The following HAPLN1 variants were observed in gnomAD, a reference collection of about 807,000 sequenced individuals.
The protein encoded by HAPLN1 is Cartilage link protein.
In HAPLN1, 13 loss-of-function variants were observed where a neutral mutation model predicts 36.5. The observed-to-expected ratio is 0.36, with a 90% CI of 0.23 to 0.57. The LOEUF (loss-of-function observed/expected upper bound fraction) is 0.57. HAPLN1 is among the 20% of genes least tolerant of loss of function. The probability of loss-of-function intolerance (pLI) is 0.83; values close to 1 mark genes in which losing one functional copy is unlikely to be tolerated. For synonymous variants in HAPLN1, 202 were observed against 169.8 expected, an observed-to-expected ratio of 1.19 and a Z score of -1.48; for missense variants, 407 against 439.7, an observed-to-expected ratio of 0.93 and a Z score of 0.66.
At chr5:83,686,350 G>A (rs186794837) in intron 1 of HAPLN1, among the ~76,000 whole-genome samples, 1 of 152,132 alleles carries the variant, frequency 6.6e-6, no homozygotes, top group Admixed American at 6.6e-5. Flanking sequence ...GGTAGAAGAG[G>A]GAACAAGACC....
intron 1 of HAPLN1, among the ~76,000 whole-genome samples, chr5:83,717,607 G>C (rs538241204): frequency 6.6e-6 from 1 of 152,178 alleles, no homozygotes; most frequent in Non-Finnish European, 1.5e-5. Context: ...GTGATAATTC[G>C]TATATCTTTT....
Position 83,639,428 on chromosome 5 carries a change from T to C in HAPLN1, c.*2068A>G, listed in dbSNP as rs1317096149. On this transcript the variant is annotated 3_prime_UTR_variant, in exon 5 of 5. Transcript: ENST00000274341. ...TACTACTACATTTAACATTATAAAG[T>C]AGAGTTCTGGACATAACTGAAAATT... The C allele has an allele frequency of 6.6e-6, 1 of 152,064 alleles. No homozygotes were observed. The highest frequency in any genetic ancestry group is 2.4e-5 in the African/African-American group (1 of 41,458). 9.4% of individuals were successfully genotyped at this position (152,064 alleles called of 1,614,324 possible). A position where few individuals can be genotyped will look rare whatever the true frequency, so the allele number is the denominator to read the frequency against.
intron 1 of HAPLN1, among the ~76,000 whole-genome samples, chr5:83,704,130 A>G (rs79645144): frequency 2.0e-5 from 3 of 151,710 alleles, no homozygotes; most frequent in Non-Finnish European, 2.9e-5. Context: ...AAAATCTTCA[A>G]CCAAGAATTT....
chr5:83,694,039 AT>A (rs1307985802), intron 1 of HAPLN1, among the ~76,000 whole-genome samples: 1 of 152,006 alleles, frequency 6.6e-6, no homozygotes. Flanking sequence ...GATAAACTAT[AT>A]TCTGGGTCAT....
intron 1 of HAPLN1, among the ~76,000 whole-genome samples, chr5:83,709,911 G>A (rs1168968703): frequency 2.6e-5 from 4 of 152,158 alleles, no homozygotes; most frequent in Non-Finnish European, 5.9e-5. Flanking sequence ...TTATGCTAAT[G>A]GAGAGAGATA....
intron 1 of HAPLN1, among the ~76,000 whole-genome samples, chr5:83,706,569 G>T (rs1252828004): frequency 1.3e-5 from 2 of 152,034 alleles, no homozygotes; most frequent in African/African-American, 4.8e-5. Context: ...TAGGTATTGA[G>T]GGAACATACC....
intron 1 of HAPLN1, among the ~76,000 whole-genome samples, chr5:83,709,325 T>C (rs2112636970): frequency 6.6e-6 from 1 of 152,364 alleles, no homozygotes; most frequent in South Asian, 2.1e-4. Context: ...CTAAAAATAA[T>C]CTAATTTCTT....
chr5:83,641,834 A>G (rs1037702285), intron 4 of HAPLN1, 49 bp from the exon 5 acceptor site: 1 of 1,566,952 alleles, frequency 6.4e-7, no homozygotes, highest in Non-Finnish European at 8.7e-7. Flanking sequence ...CAATTGAGCC[A>G]CACAGAGATA....
In HAPLN1 at chr5:83,644,634, C is replaced by T. The variant is rs1391975963; in HGVS notation, c.504G>A (p.Gly168=). Residue 168 remains glycine (G), a synonymous_variant, in exon 4 of 5, where the codon GGG becomes GGA. Transcript: ENST00000274341. ...GVVFPYFPRL[G]RYNLNFHEAQ... ...CCTCGTGAAAATTGAGATTGTAGCG[C>T]CCCAGTCGTGGAAAGTAAGGGAATA... is the stretch of plus-strand genomic sequence containing the variant. The T allele has an allele frequency of 2.7e-6, 4 of 1,489,266 alleles. No individual in the cohort carries two copies. The East Asian group carries it at 7.4e-5, about 28-fold the overall frequency. 92.3% of individuals were successfully genotyped at this position (1,489,266 alleles called of 1,614,324 possible).
At chr5:83,649,157 C>T (rs1749972675) in intron 3 of HAPLN1, among the ~76,000 whole-genome samples, 1 of 152,098 alleles carries the variant, frequency 6.6e-6, no homozygotes, top group Non-Finnish European at 1.5e-5. Flanking sequence ...TATCATGATA[C>T]TTTTTGAAGC....
At chr5:83,702,462 C>A (rs371239874) in intron 1 of HAPLN1, among the ~76,000 whole-genome samples, 3 of 152,170 alleles carry the variant, frequency 2.0e-5, no homozygotes, top group Admixed American at 6.5e-5. Context: ...GACGCAGGAA[C>A]TGAGTCCCCA....
In HAPLN1 at chr5:83,644,565, G is replaced by A. The variant is rs201656281; in HGVS notation, c.573C>T (p.Phe191=). The A allele has an allele frequency of 4.4e-6, 7 of 1,597,896 alleles. No homozygotes were observed. The highest frequency in any genetic ancestry group is 2.3e-5 in the South Asian group (2 of 88,452). ...CLDQDAVIAS[F]DQLYDAWRGG... ...CCCGCCAGGCGTCGTACAGCTGGTC[G>A]AAGGAGGCGATCACAGCATCCTGGT... Residue 191 remains phenylalanine, a synonymous_variant, in exon 4 of 5, where the codon TTC becomes TTT. Coordinates refer to ENST00000274341, the MANE Select transcript of HAPLN1 (RefSeq NM_001884.4).
chr5:83,648,568 TAATTAGTAA>T, intron 3 of HAPLN1, among the ~76,000 whole-genome samples: 1 of 151,708 alleles, frequency 6.6e-6, no homozygotes, highest in African/African-American at 2.4e-5. Flanking sequence ...TTTTTTTTTC[TAATTAGTAA>T]AATTCTTTAG....
At chr5:83,683,931 C>A (rs1751061095) in intron 1 of HAPLN1, among the ~76,000 whole-genome samples, 1 of 152,084 alleles carries the variant, frequency 6.6e-6, no homozygotes, top group Non-Finnish European at 1.5e-5. Flanking sequence ...AGGGCCCCTA[C>A]TGCTGAGAAG....
chr5:83,687,590 A>T (rs1419664067), intron 1 of HAPLN1, among the ~76,000 whole-genome samples: 1 of 152,338 alleles, frequency 6.6e-6, no homozygotes, highest in African/African-American at 2.4e-5. Context: ...ATGTGATGAG[A>T]TACTCAACTT....
intron 2 of HAPLN1, among the ~76,000 whole-genome samples, chr5:83,658,178 G>A (rs1427390183): frequency 2.0e-5 from 3 of 152,036 alleles, no homozygotes; most frequent in African/African-American, 7.3e-5. Flanking sequence ...TTAACACTTT[G>A]GCAGATTTGG....
chr5:83,700,397 C>G (rs1751480777), intron 1 of HAPLN1, among the ~76,000 whole-genome samples: 1 of 152,098 alleles, frequency 6.6e-6, no homozygotes, highest in Non-Finnish European at 1.5e-5. Flanking sequence ...ATAGCAATAT[C>G]CATCATGATT....
At chr5:83,668,924 G>C (rs1217102346) in intron 2 of HAPLN1, among the ~76,000 whole-genome samples, 2 of 152,152 alleles carry the variant, frequency 1.3e-5, no homozygotes, top group East Asian at 3.9e-4. Flanking sequence ...TCTGCCAGCG[G>C]TTCTGGATAG....
At chr5:83,645,354 C>T (rs559397747) in intron 3 of HAPLN1, among the ~76,000 whole-genome samples, 1 of 152,082 alleles carries the variant, frequency 6.6e-6, no homozygotes, top group African/African-American at 2.4e-5. Context: ...CAAGCTTGTC[C>T]AACCCATGGC....
Sources: gnomAD v4.1 joint callset for allele counts (sites outside exome capture counted in the v4.1 genomes callset) on GRCh38, gnomAD v4.1.1 for gene constraint, MANE v1.5 for transcripts, NCBI Gene and HGNC (gene_info 2026-07-23, HGNC 2026-07-21) for gene names.